PPM1L: variants seen among roughly 807,000 people sequenced by gnomAD.
The protein encoded by PPM1L is protein phosphatase 1L.
PPM1L carries 13 observed loss-of-function variants against 31.4 expected under a neutral mutation model. That is an observed-to-expected ratio of 0.41 (90% CI 0.27 to 0.66). The LOEUF is 0.66. PPM1L is among the 30% of genes least tolerant of loss of function. PPM1L has a pLI of 0.29. For missense variants in PPM1L, 326 were observed against 453.7 expected (o/e 0.72, Z 2.56); for synonymous variants, 184 against 175.4 (o/e 1.05, Z -0.39).
intron 1 of PPM1L, among the ~76,000 whole-genome samples, chr3:160,851,298 C>T (rs1477074851): frequency 6.6e-6 from 1 of 152,146 alleles, no homozygotes; most frequent in Non-Finnish European, 1.5e-5. Context: ...TTTTGATTGT[C>T]TATCACCTAG....
chr3:160,873,770 C>T (rs1337530694), intron 1 of PPM1L, among the ~76,000 whole-genome samples: 1 of 152,112 alleles, frequency 6.6e-6, no homozygotes, highest in Non-Finnish European at 1.5e-5. Context: ...TGGTCTTGAA[C>T]TCCTGACCTC....
chr3:160,922,190 G>A (rs900060350), intron 1 of PPM1L, among the ~76,000 whole-genome samples: 1 of 152,046 alleles, frequency 6.6e-6, no homozygotes, highest in Non-Finnish European at 1.5e-5. Context: ...GGCACCTGTA[G>A]TCCCAGCTAC....
At chr3:160,937,954 A>G (rs1387011855) in intron 1 of PPM1L, among the ~76,000 whole-genome samples, 1 of 152,206 alleles carries the variant, frequency 6.6e-6, no homozygotes, top group East Asian at 1.9e-4. Context: ...TGATACTTAA[A>G]TTTATTTTAA....
chr3:160,929,017 T>G (rs1196040800), intron 1 of PPM1L, among the ~76,000 whole-genome samples: 4 of 152,138 alleles, frequency 2.6e-5, no homozygotes, highest in Non-Finnish European at 4.4e-5. Context: ...CTAACTCCTA[T>G]GTTTACAGCA....
intron 1 of PPM1L, among the ~76,000 whole-genome samples, chr3:160,884,597 A>G (rs1219199512): frequency 6.6e-6 from 1 of 152,206 alleles, no homozygotes; most frequent in Non-Finnish European, 1.5e-5. Flanking sequence ...ATTACGAAGT[A>G]AACAACCTTG....
chr3:161,067,939 T>G (rs1438414303), intron 3 of PPM1L, among the ~76,000 whole-genome samples: 1 of 152,236 alleles, frequency 6.6e-6, no homozygotes, highest in Admixed American at 6.5e-5. Flanking sequence ...TTGTGCTTAT[T>G]GTATTTAATA....
At chr3:161,003,269 G>T (rs971125011) in intron 2 of PPM1L, among the ~76,000 whole-genome samples, 5 of 149,702 alleles carry the variant, frequency 3.3e-5, no homozygotes, top group African/African-American at 1.2e-4. Context: ...AAGTCAGGTA[G>T]TGTGATGCCT....
At chr3:160,962,573 A>G (rs1716003147) in intron 2 of PPM1L, among the ~76,000 whole-genome samples, 1 of 150,582 alleles carries the variant, frequency 6.6e-6, no homozygotes, top group South Asian at 2.1e-4. Flanking sequence ...TAAAATTGCT[A>G]TACCTCTCCA....
intron 1 of PPM1L, among the ~76,000 whole-genome samples, chr3:160,821,346 A>G (rs2108091019): frequency 1.3e-5 from 2 of 152,170 alleles, no homozygotes; most frequent in Admixed American, 1.3e-4. Flanking sequence ...TTGATTTAAT[A>G]GTCTATCCTG....
At chr3:160,949,799 C>T (rs200379807) in intron 1 of PPM1L, among the ~76,000 whole-genome samples, 3 of 152,172 alleles carry the variant, frequency 2.0e-5, no homozygotes, top group Non-Finnish European at 4.4e-5. Flanking sequence ...GAGATCTGAA[C>T]ATAGTACATT....
chr3:160,768,241 A>G (rs983944671), intron 1 of PPM1L, among the ~76,000 whole-genome samples: 1 of 152,196 alleles, frequency 6.6e-6, no homozygotes, highest in Non-Finnish European at 1.5e-5. Context: ...TATAGTGCCT[A>G]AGGCTTCACA....
intron 1 of PPM1L, among the ~76,000 whole-genome samples, chr3:160,804,948 T>G (rs770671926): frequency 8.6e-5 from 13 of 152,012 alleles, no homozygotes; most frequent in Non-Finnish European, 1.2e-4. Flanking sequence ...TGGGGAGGAG[T>G]TTGAGGTGGG....
At chr3:160,910,565 C>T (rs950783240) in intron 1 of PPM1L, among the ~76,000 whole-genome samples, 6 of 152,140 alleles carry the variant, frequency 3.9e-5, no homozygotes, top group Non-Finnish European at 7.3e-5. Flanking sequence ...CCCACCTCGG[C>T]CTCCCAAAGT....
intron 3 of PPM1L, 115 bp from the exon 4 acceptor site, chr3:161,068,696 G>C: frequency 1.3e-6 from 1 of 794,092 alleles, no homozygotes. Context: ...GTTAAGGGGA[G>C]TGCCCACAGC....
intron 2 of PPM1L, among the ~76,000 whole-genome samples, chr3:160,992,981 G>A (rs548991318): frequency 6.6e-6 from 1 of 152,022 alleles, no homozygotes; most frequent in Non-Finnish European, 1.5e-5. Context: ...GCCATAACCT[G>A]ACTACTACTA....
chr3:160,843,821 C>G (rs1399354389), intron 1 of PPM1L, among the ~76,000 whole-genome samples: 2 of 152,084 alleles, frequency 1.3e-5, no homozygotes, highest in South Asian at 4.1e-4. Flanking sequence ...GCTATAAAGA[C>G]ACATGCACAC....
At chr3:160,833,207 G>A (rs2108098891) in intron 1 of PPM1L, among the ~76,000 whole-genome samples, 1 of 152,250 alleles carries the variant, frequency 6.6e-6, no homozygotes, top group East Asian at 1.9e-4. Flanking sequence ...CTTTGCTATT[G>A]TGAATAGTGC....
intron 1 of PPM1L, among the ~76,000 whole-genome samples, chr3:160,797,158 A>G (rs1712272366): frequency 1.3e-5 from 2 of 152,098 alleles, no homozygotes; most frequent in Admixed American, 6.5e-5. Flanking sequence ...GCTTGTGCTT[A>G]CTTCTTGTCT....
In PPM1L at chr3:161,076,105, T is replaced by TA. The variant is rs1720087986; in HGVS notation, c.*6949dup. On this transcript the variant is annotated 3_prime_UTR_variant, in exon 4 of 4. Coordinates refer to ENST00000498165, the MANE Select transcript of PPM1L (RefSeq NM_139245.4). ...AGAGTGATTTGATATTCTTGCTTCT[T>TA]AGAGAGTTTTCTAATCCATATAATG... The TA allele has an allele frequency of 6.6e-6, 1 of 152,236 alleles. No individual in the cohort carries two copies. The highest frequency in any genetic ancestry group is 1.5e-5 in the Non-Finnish European group (1 of 68,040). 9.4% of individuals were successfully genotyped at this position (152,236 alleles called of 1,614,324 possible). A position where few individuals can be genotyped will look rare whatever the true frequency, so the allele number is the denominator to read the frequency against.
Sources: gnomAD v4.1 joint callset for allele counts (sites outside exome capture counted in the v4.1 genomes callset) on GRCh38, gnomAD v4.1.1 for gene constraint, MANE v1.5 for transcripts, NCBI Gene and HGNC (gene_info 2026-07-23, HGNC 2026-07-21) for gene names.